Variants in PCED1B observed in about 807,000 individuals in gnomAD.
The protein encoded by PCED1B is PC-esterase domain containing 1B, also known as PC-esterase domain-containing protein 1B.
For missense variants in PCED1B, 573 were observed against 573.9 expected (o/e 1.00, Z 0.02); for synonymous variants, 251 against 246.1 (o/e 1.02, Z -0.19).
intron 1 of PCED1B, among the ~76,000 whole-genome samples, chr12:47,101,160 T>C (rs1006980622): frequency 1.3e-5 from 2 of 152,224 alleles, no homozygotes; most frequent in African/African-American, 4.8e-5. Context: ...TCACCTAGGA[T>C]ACTTGATATT....
chr12:47,113,275 C>T lies in PCED1B; in HGVS notation c.-526+9080C>T, dbSNP rs1939277994. Among the ~76,000 whole-genome samples, 3 of 152,268 alleles carry T rather than the reference C, an allele frequency of 2.0e-5. No homozygotes were observed. In the South Asian group the frequency reaches 6.2e-4, roughly 32 times the overall value. ...ATGGAAATTCAGAAGATGGGAAAATCTCTGAATTTAGGAATCACAGAAGGG... is the reference window on the plus strand; with the variant it reads ...ATGGAAATTCAGAAGATGGGAAAATTTCTGAATTTAGGAATCACAGAAGGG... On this transcript the variant is annotated intron_variant, in intron 2 of 3. Transcript: ENST00000546455.
At chr12:47,215,040 G>A (rs553995262) in intron 2 of PCED1B, among the ~76,000 whole-genome samples, 1 of 150,464 alleles carries the variant, frequency 6.6e-6, no homozygotes, top group Non-Finnish European at 1.5e-5. Flanking sequence ...GAACCTGGGG[G>A]TGGTATATTC....
chr12:47,219,341 A>T lies in PCED1B; in HGVS notation c.-58+2652A>T, dbSNP rs12308612. 2.4e-3 allele frequency among the ~76,000 whole-genome samples: 367 copies of T among 152,326 alleles called. 1 individual carries two copies. The highest frequency in any genetic ancestry group is 8.6e-3 in the African/African-American group (356 of 41,568). On this transcript the variant is annotated intron_variant, in intron 3 of 3. Transcript: ENST00000546455. ...AAGTAAAAAACTAAGTAGCACAAAGATAAAGTAAGCATTAGAGGTGGAAGA... is the reference window on the plus strand; with the variant it reads ...AAGTAAAAAACTAAGTAGCACAAAGTTAAAGTAAGCATTAGAGGTGGAAGA...
chr12:47,212,585 C>A (rs1023805169), intron 2 of PCED1B, among the ~76,000 whole-genome samples: 3 of 152,192 alleles, frequency 2.0e-5, no homozygotes, highest in Non-Finnish European at 2.9e-5. Flanking sequence ...CATCTCCCCT[C>A]CACTTGCGCA....
At chr12:47,089,460 AC>A (rs1938151711) in intron 1 of PCED1B, among the ~76,000 whole-genome samples, 6 of 70,290 alleles carry the variant, frequency 8.5e-5, no homozygotes, top group African/African-American at 4.9e-4. Flanking sequence ...AAAAAAAAAT[AC>A]ATATATATAT....
intron 1 of PCED1B, among the ~76,000 whole-genome samples, chr12:47,082,478 T>C (rs1243860098): frequency 6.6e-6 from 1 of 152,250 alleles, no homozygotes; most frequent in Non-Finnish European, 1.5e-5. Flanking sequence ...ATACTTTTAC[T>C]TCCTTTTTAA....
At chr12:47,230,171 G>A (rs934808302) in intron 3 of PCED1B, among the ~76,000 whole-genome samples, 83 of 140,526 alleles carry the variant, frequency 5.9e-4, no homozygotes, top group African/African-American at 2.2e-3. Flanking sequence ...TACAAGTTCC[G>A]CCTCCCAGGT....
intron 2 of PCED1B, among the ~76,000 whole-genome samples, chr12:47,122,060 C>CT (rs1246484216): frequency 1.4e-4 from 21 of 149,568 alleles, no homozygotes; most frequent in East Asian, 7.8e-4. Context: ...CTGAACTTCC[C>CT]TTTTTTTTTC....
chr12:47,130,261 CA>C (rs1309559489), intron 2 of PCED1B, among the ~76,000 whole-genome samples: 1 of 151,208 alleles, frequency 6.6e-6, no homozygotes, highest in Non-Finnish European at 1.5e-5. Context: ...TTTTGTAAAA[CA>C]AAAAAAGGGT....
At chr12:47,093,749 T>C (rs182398365) in intron 1 of PCED1B, among the ~76,000 whole-genome samples, 1 of 152,188 alleles carries the variant, frequency 6.6e-6, no homozygotes, top group African/African-American at 2.4e-5. Context: ...GTTGTTGTTA[T>C]TGATCTTTAG....
At chr12:47,081,219 A>G (rs557097591) in intron 1 of PCED1B, among the ~76,000 whole-genome samples, 4 of 152,318 alleles carry the variant, frequency 2.6e-5, no homozygotes, top group Admixed American at 2.6e-4. Flanking sequence ...AAAAGCAACC[A>G]AATTGAGGAA....
intron 3 of PCED1B, among the ~76,000 whole-genome samples, chr12:47,230,308 T>C (rs1943766223): frequency 1.3e-5 from 2 of 152,196 alleles, no homozygotes; most frequent in African/African-American, 4.8e-5. Context: ...ATGGTCTCCA[T>C]CTCGTGACCT....
At chr12:47,137,758 A>G (rs1940440013) in intron 2 of PCED1B, among the ~76,000 whole-genome samples, 1 of 151,488 alleles carries the variant, frequency 6.6e-6, no homozygotes, top group African/African-American at 2.4e-5. Flanking sequence ...AAAAGAAAAA[A>G]AAAAACAACC....
intron 2 of PCED1B, among the ~76,000 whole-genome samples, chr12:47,113,826 A>C (rs777349226): frequency 6.6e-6 from 1 of 152,150 alleles, no homozygotes; most frequent in Admixed American, 6.5e-5. Flanking sequence ...CCTGGCCAAC[A>C]TGACGAAACC....
intron 2 of PCED1B, among the ~76,000 whole-genome samples, chr12:47,135,085 A>T (rs182410452): frequency 1.3e-5 from 2 of 152,120 alleles, no homozygotes; most frequent in Non-Finnish European, 2.9e-5. Context: ...ACCAATCTCT[A>T]CTGATAGGAA....
In PCED1B at chr12:47,163,066, G is replaced by A. The variant is rs535428648; in HGVS notation, c.-525-53156G>A. The stretch of plus-strand genomic sequence containing the variant: ...TTAAGTCTTTCAATCCATGAACATG[G>A]GATGTCTTCTATTTATTGATGTCTT... On this transcript the variant is annotated intron_variant, in intron 2 of 3. Transcript: ENST00000546455. Among the ~76,000 whole-genome samples, 14 of 152,146 alleles carry A rather than the reference G, an allele frequency of 9.2e-5. No individual in the cohort carries two copies. The East Asian group carries it at 1.9e-3, about 21-fold the overall frequency.
At position 47,235,852 on chromosome 12, in the gene PCED1B, C is replaced by T. The variant is rs373212050; in HGVS notation, c.789C>T (p.Gly263=). 21 of 1,575,210 alleles carry T rather than the reference C, an allele frequency of 1.3e-5. No homozygotes were observed. In the African/African-American group the frequency reaches 1.4e-4, roughly 10 times the overall value. ...AGCTGCCCCACCGCCACCCCGTGGG[C>T]GAGTGGATCAAGAAGAAAAAACCTG... The part of the protein sequence containing the change: ...GVELPHRHPV[G]EWIKKKKPGP... Residue 263 remains glycine (G), a synonymous_variant, in exon 4 of 4, where the codon GGC becomes GGT. Transcript: ENST00000546455.
At chr12:47,092,854 A>T (rs911051390) in intron 1 of PCED1B, among the ~76,000 whole-genome samples, 1 of 152,054 alleles carries the variant, frequency 6.6e-6, no homozygotes, top group Non-Finnish European at 1.5e-5. Context: ...CTTGGACTGA[A>T]CTTGCACTCC....
At chr12:47,208,422 G>A (rs1170896280) in intron 2 of PCED1B, 2 of 152,170 alleles carry the variant, frequency 1.3e-5, no homozygotes, top group Non-Finnish European at 2.9e-5. Flanking sequence ...ATTTTTTTGA[G>A]ACGGAGTCTC....
Sources: gnomAD v4.1 joint callset for allele counts (sites outside exome capture counted in the v4.1 genomes callset) on GRCh38, gnomAD v4.1.1 for gene constraint, MANE v1.5 for transcripts, NCBI Gene and HGNC (gene_info 2026-07-23, HGNC 2026-07-21) for gene names.